The following DPP6 variants were observed in gnomAD, a reference collection of about 807,000 sequenced individuals.
The protein encoded by DPP6 is A-type potassium channel modulatory protein DPP6.
DPP6 carries 69 observed loss-of-function variants against 122.6 expected under a neutral mutation model. That is an observed-to-expected ratio of 0.56 (90% CI 0.46 to 0.69). The LOEUF (loss-of-function observed/expected upper bound fraction) is 0.69, where lower values mean the gene tolerates loss of function less well. Among genes scored for constraint, DPP6 ranks in the 30% least tolerant of loss-of-function variants. DPP6 has a pLI of 0.00. For synonymous variants in DPP6, 418 were observed against 433.1 expected (o/e 0.97, Z 0.43); for missense variants, 928 against 1,116.9 (o/e 0.83, Z 2.41).
intron 1 of DPP6, among the ~76,000 whole-genome samples, chr7:154,087,379 A>G (rs555987743): frequency 6.6e-6 from 1 of 152,302 alleles, no homozygotes; most frequent in African/African-American, 2.4e-5. Flanking sequence ...TGGGAGCTGA[A>G]CTGTGCTTTT....
chr7:153,792,918 G>A, the DPP6 span, among the ~76,000 whole-genome samples: 1 of 152,116 alleles, frequency 6.6e-6, no homozygotes. Flanking sequence ...TTCTGCTTTT[G>A]CTTCTTCCTC....
intron 6 of DPP6, among the ~76,000 whole-genome samples, chr7:154,638,573 A>G (rs1030026490): frequency 3.9e-5 from 6 of 152,054 alleles, no homozygotes; most frequent in Admixed American, 3.9e-4. Context: ...TGGTCTCTCA[A>G]TAATGTATTG....
upstream of DPP6, among the ~76,000 whole-genome samples, chr7:153,883,659 C>T (rs969179503): frequency 4.6e-5 from 7 of 152,214 alleles, no homozygotes; most frequent in Non-Finnish European, 7.3e-5. Flanking sequence ...GGATTATAGG[C>T]GTGAGCCACC....
intron 1 of DPP6, among the ~76,000 whole-genome samples, chr7:154,198,018 C>T (rs1458706139): frequency 6.6e-6 from 1 of 152,176 alleles, no homozygotes; most frequent in East Asian, 1.9e-4. Flanking sequence ...GGGAGCAGAA[C>T]CATTTTGGGG....
intron 1 of DPP6, among the ~76,000 whole-genome samples, chr7:154,185,712 C>G (rs1798319480): frequency 6.6e-6 from 1 of 152,122 alleles, no homozygotes; most frequent in Non-Finnish European, 1.5e-5. Flanking sequence ...CTCTCTGTTG[C>G]TCTAAGTCAT....
intron 1 of DPP6, among the ~76,000 whole-genome samples, chr7:153,950,966 C>T (rs1044981176): frequency 1.3e-5 from 2 of 152,096 alleles, no homozygotes; most frequent in Non-Finnish European, 2.9e-5. Flanking sequence ...GCACAGGGAG[C>T]GGCCAACACC....
intron 4 of DPP6, among the ~76,000 whole-genome samples, chr7:154,557,686 A>G (rs1183201452): frequency 6.6e-6 from 1 of 152,140 alleles, no homozygotes; most frequent in African/African-American, 2.4e-5. Flanking sequence ...GACAGCAGGC[A>G]GTGCACAGCT....
chr7:153,880,859 T>C, the DPP6 span, among the ~76,000 whole-genome samples: 1 of 152,218 alleles, frequency 6.6e-6, no homozygotes, highest in Non-Finnish European at 1.5e-5. Context: ...ATTGAGCAAG[T>C]GCGAGATAGA....
At chr7:154,512,718 G>C (rs1429615423) in intron 3 of DPP6, among the ~76,000 whole-genome samples, 1 of 152,128 alleles carries the variant, frequency 6.6e-6, no homozygotes, top group Non-Finnish European at 1.5e-5. Context: ...CATCATCTTA[G>C]GGATGGCAAG....
At chr7:154,393,286 G>C (rs1814782824) in intron 1 of DPP6, among the ~76,000 whole-genome samples, 1 of 152,186 alleles carries the variant, frequency 6.6e-6, no homozygotes, top group South Asian at 2.1e-4. Flanking sequence ...TGAATGCTCT[G>C]TGCTAAAGCT....
chr7:153,888,130 C>T (rs1348849157), intron 1 of DPP6, among the ~76,000 whole-genome samples: 1 of 152,118 alleles, frequency 6.6e-6, no homozygotes, highest in Non-Finnish European at 1.5e-5. Context: ...GCCACTGGGC[C>T]CTGGCGCCCG....
At chr7:154,030,508 C>T (rs934487383) in intron 1 of DPP6, among the ~76,000 whole-genome samples, 5 of 152,124 alleles carry the variant, frequency 3.3e-5, no homozygotes, top group Admixed American at 1.3e-4. Flanking sequence ...GGTGAGGCCT[C>T]GTGAGCTCCT....
At chr7:154,717,771 T>A (rs1841572838) in intron 7 of DPP6, among the ~76,000 whole-genome samples, 1 of 152,236 alleles carries the variant, frequency 6.6e-6, no homozygotes, top group Admixed American at 6.5e-5. Flanking sequence ...TATACAACCA[T>A]ATGATTGCTG....
intron 1 of DPP6, among the ~76,000 whole-genome samples, chr7:153,918,851 T>C (rs936476873): frequency 6.6e-6 from 1 of 151,634 alleles, no homozygotes; most frequent in Non-Finnish European, 1.5e-5. Flanking sequence ...TGGTGGTGCA[T>C]GCCTGTAATT....
intron 1 of DPP6, among the ~76,000 whole-genome samples, chr7:154,008,328 G>T (rs1167587000): frequency 6.6e-6 from 1 of 152,198 alleles, no homozygotes; most frequent in Non-Finnish European, 1.5e-5. Context: ...GCAGAACAAA[G>T]CTGGTATCAA....
intron 9 of DPP6, among the ~76,000 whole-genome samples, chr7:154,771,048 C>T (rs896065663): frequency 3.9e-5 from 6 of 152,228 alleles, no homozygotes; most frequent in African/African-American, 1.2e-4. Context: ...GCATTTAAAC[C>T]TCAGCATCCT....
chr7:154,788,924 T>C (rs965494173), intron 10 of DPP6, among the ~76,000 whole-genome samples: 2 of 152,234 alleles, frequency 1.3e-5, no homozygotes. Flanking sequence ...CAAATTTTTC[T>C]AATTTTAGTT....
Position 154,893,688 on chromosome 7 carries a change from A to C in DPP6, c.*1208A>C, listed in dbSNP as rs1806832058. On this transcript the variant is annotated 3_prime_UTR_variant, in exon 26 of 26. Transcript: ENST00000377770. ...CACCAAATGTGCAGCCGGTGTTCCC[A>C]GTGTATATTTCATTCTCTTGTATAT... The C allele has an allele frequency of 6.6e-6, 1 of 152,054 alleles. No individual in the cohort carries two copies. Among genetic ancestry groups the C allele is most frequent in the South Asian group, 2.1e-4 (1 of 4,818 alleles). The allele number at this position is 152,054 out of a possible 1,614,324, so 9.4% of individuals were successfully genotyped here.
chr7:154,364,524 G>C (rs1811991696), intron 1 of DPP6, among the ~76,000 whole-genome samples: 1 of 152,152 alleles, frequency 6.6e-6, no homozygotes, highest in South Asian at 2.1e-4. Flanking sequence ...CAAACCAAGG[G>C]GCAGGAGGTG....
Sources: gnomAD v4.1 joint callset for allele counts (sites outside exome capture counted in the v4.1 genomes callset) on GRCh38, gnomAD v4.1.1 for gene constraint, MANE v1.5 for transcripts, NCBI Gene and HGNC (gene_info 2026-07-23, HGNC 2026-07-21) for gene names.